DAAM1: variants seen among roughly 807,000 people sequenced by gnomAD.
DAAM1 encodes the protein dishevelled associated activator of morphogenesis 1.
In DAAM1, 52 loss-of-function variants were observed where a neutral mutation model predicts 130.0. The observed-to-expected ratio is 0.40, with a 90% confidence interval of 0.32 to 0.50. The LOEUF is 0.50. DAAM1 is among the 20% of genes least tolerant of loss of function. The pLI is 0.61. For missense variants in DAAM1, 1,134 were observed against 1,303.8 expected (o/e 0.87, Z 2.01); for synonymous variants, 452 against 444.5 (o/e 1.02, Z -0.21).
intron 1 of DAAM1, among the ~76,000 whole-genome samples, chr14:59,210,375 T>C (rs1001685080): frequency 6.6e-6 from 1 of 152,240 alleles, no homozygotes; most frequent in South Asian, 2.1e-4. Context: ...CATTTATATT[T>C]TTCCTTTCTT....
chr14:59,200,169 G>A (rs1888055136), intron 1 of DAAM1, among the ~76,000 whole-genome samples: 1 of 152,098 alleles, frequency 6.6e-6, no homozygotes, highest in Non-Finnish European at 1.5e-5. Context: ...ACATGTCTTT[G>A]GTCACAACAG....
At chr14:59,305,484 T>A (rs1022268318) in intron 3 of DAAM1, among the ~76,000 whole-genome samples, 3 of 152,186 alleles carry the variant, frequency 2.0e-5, no homozygotes, top group Non-Finnish European at 4.4e-5. Context: ...AATGACTTGT[T>A]AAAATAAATA....
chr14:59,224,143 A>G (rs898442633), intron 1 of DAAM1, among the ~76,000 whole-genome samples: 2 of 152,198 alleles, frequency 1.3e-5, no homozygotes, highest in African/African-American at 2.4e-5. Context: ...ACAGGTATGG[A>G]GAAAAGGGCA....
At chr14:59,240,328 C>T (rs890211369) in intron 1 of DAAM1, among the ~76,000 whole-genome samples, 35 of 152,136 alleles carry the variant, frequency 2.3e-4, no homozygotes, top group African/African-American at 8.5e-4. Context: ...GCTGAAGGTC[C>T]CACATAGTCT....
chr14:59,279,105 A>G (rs1375308022), intron 2 of DAAM1, among the ~76,000 whole-genome samples: 1 of 152,020 alleles, frequency 6.6e-6, no homozygotes, highest in East Asian at 1.9e-4. Flanking sequence ...ACCTCTTGTA[A>G]TTGTACAGTT....
At chr14:59,266,247 A>G (rs937763402) in intron 2 of DAAM1, 7 of 145,752 alleles carry the variant, frequency 4.8e-5, no homozygotes, top group Non-Finnish European at 9.2e-5. Flanking sequence ...TTGGATTAAA[A>G]AAAGGAAAAA....
chr14:59,202,021 A>G (rs981632853), intron 1 of DAAM1, among the ~76,000 whole-genome samples: 1 of 152,204 alleles, frequency 6.6e-6, no homozygotes, highest in Non-Finnish European at 1.5e-5. Flanking sequence ...ATTTTAATCC[A>G]CTGTGTAAAA....
intron 3 of DAAM1, among the ~76,000 whole-genome samples, chr14:59,298,724 A>G (rs758514012): frequency 5.3e-5 from 8 of 152,194 alleles, no homozygotes; most frequent in African/African-American, 1.7e-4. Context: ...ACAAAAGGCA[A>G]TTGGTTTTTG....
intron 2 of DAAM1, among the ~76,000 whole-genome samples, chr14:59,280,044 T>G (rs115446294): frequency 1.4e-4 from 22 of 152,272 alleles, no homozygotes; most frequent in African/African-American, 5.3e-4. Flanking sequence ...AGATCGTACT[T>G]AACAGAAACT....
chr14:59,215,620 A>G (rs1888554372), intron 1 of DAAM1, among the ~76,000 whole-genome samples: 1 of 152,150 alleles, frequency 6.6e-6, no homozygotes, highest in African/African-American at 2.4e-5. Flanking sequence ...GCCTTTCATA[A>G]TCCACCACAG....
intron 16 of DAAM1, among the ~76,000 whole-genome samples, chr14:59,346,703 G>T (rs897666289): frequency 6.6e-6 from 1 of 151,988 alleles, no homozygotes; most frequent in Non-Finnish European, 1.5e-5. Context: ...TTTCCCCTGG[G>T]TAAGACTATT....
At chr14:59,271,034 T>C (rs1882687724) in intron 2 of DAAM1, among the ~76,000 whole-genome samples, 1 of 152,230 alleles carries the variant, frequency 6.6e-6, no homozygotes, top group Non-Finnish European at 1.5e-5. Context: ...CATCACTGAA[T>C]TTATGGCTAG....
At chr14:59,280,535 CTTTTTTTTTT>C (rs35354608) in intron 2 of DAAM1, among the ~76,000 whole-genome samples, 7 of 90,658 alleles carry the variant, frequency 7.7e-5, no homozygotes, top group African/African-American at 2.5e-4. Flanking sequence ...GCACACCTTC[CTTTTTTTTTT>C]TTTTTTTTTT....
At position 59,294,055 on chromosome 14, in the gene DAAM1, G is replaced by A. The variant is rs78813716; in HGVS notation, c.273+2749G>A. 3.2e-3 allele frequency among the ~76,000 whole-genome samples: 480 copies of A among 152,260 alleles called. 3 individuals carry two copies. Among genetic ancestry groups the A allele is most frequent in the South Asian group, 0.013 (61 of 4,820 alleles). Reference sequence around the variant, plus strand: ...CTCCCAGGGCTCTGTCACATTTCCCGTCTTTCAAGATTAGAATACAGGGCA... The same window carrying A: ...CTCCCAGGGCTCTGTCACATTTCCCATCTTTCAAGATTAGAATACAGGGCA... On this transcript the variant is annotated intron_variant, in intron 3 of 24. Transcript: ENST00000360909.
At chr14:59,350,503 A>C (rs1465530318) in intron 17 of DAAM1, among the ~76,000 whole-genome samples, 1 of 151,362 alleles carries the variant, frequency 6.6e-6, no homozygotes, top group African/African-American at 2.4e-5. Context: ...TGCCCCTCTC[A>C]AGACTCCACA....
At chr14:59,220,503 C>T (rs1888735010) in intron 1 of DAAM1, among the ~76,000 whole-genome samples, 1 of 152,132 alleles carries the variant, frequency 6.6e-6, no homozygotes, top group South Asian at 2.1e-4. Context: ...ATTGCCCCAA[C>T]AATACTTACT....
At chr14:59,205,586 C>G (rs1054431856) in intron 1 of DAAM1, among the ~76,000 whole-genome samples, 1 of 152,080 alleles carries the variant, frequency 6.6e-6, no homozygotes, top group Non-Finnish European at 1.5e-5. Flanking sequence ...GAAATAATTG[C>G]TTTTTTACAG....
chr14:59,289,767 G>GATAGATAGATATATATATATATATATAT (rs375183979), intron 2 of DAAM1, among the ~76,000 whole-genome samples: 1 of 110,220 alleles, frequency 9.1e-6, no homozygotes, highest in Admixed American at 9.1e-5. Flanking sequence ...AACAAAATGT[G>GATAGATAGATATATATATATATATATAT]ATATATATAT....
At chr14:59,289,675 C>A (rs1883631304) in intron 2 of DAAM1, among the ~76,000 whole-genome samples, 1 of 150,546 alleles carries the variant, frequency 6.6e-6, no homozygotes, top group African/African-American at 2.5e-5. Context: ...AAGACATATG[C>A]ACTTGTATGT....
Sources: allele counts gnomAD v4.1 joint callset (sites outside exome capture counted in the v4.1 genomes callset), GRCh38; gene constraint gnomAD v4.1.1; transcripts MANE v1.5; gene names NCBI Gene and HGNC (gene_info 2026-07-23, HGNC 2026-07-21).